CPNE4: variants seen among roughly 807,000 people sequenced by gnomAD.
CPNE4 encodes the protein copine 4, also known as copine-4.
Under a neutral mutation model 67.9 loss-of-function variants are expected in CPNE4, and 25 were observed. The ratio of observed to expected loss-of-function variants is 0.37; its 90% CI spans 0.27 to 0.51. The LOEUF is 0.51. CPNE4 is among the 20% of genes least tolerant of loss of function. The probability of loss-of-function intolerance (pLI) is 0.93; values close to 1 mark genes in which losing one functional copy is unlikely to be tolerated. For synonymous variants in CPNE4, 242 were observed against 244.9 expected, an observed-to-expected ratio of 0.99 and a Z score of 0.11; for missense variants, 464 against 690.8, an observed-to-expected ratio of 0.67 and a Z score of 3.68.
In CPNE4 at chr3:131,699,904, C is replaced by A. The variant is rs2081250461; in HGVS notation, c.432+5G>T. On this transcript the variant is annotated splice_donor_5th_base_variant and intron_variant, in intron 4 of 15. Transcript: ENST00000429747. ...CAGACAGCTGCTTAGGGAGTGCCTG[C>A]TTACCGTGATGGAAGATTTCCCTGC... The A allele has an allele frequency of 1.2e-6, 2 of 1,612,684 alleles. No homozygotes were observed. Among genetic ancestry groups the A allele is most frequent in the Non-Finnish European group, 1.7e-6 (2 of 1,179,180 alleles).
chr3:131,562,671 T>C (rs1407561116), intron 11 of CPNE4, among the ~76,000 whole-genome samples: 1 of 151,968 alleles, frequency 6.6e-6, no homozygotes, highest in Non-Finnish European at 1.5e-5. Flanking sequence ...TGGGGACGTT[T>C]GGAGAAGTTT....
At chr3:131,714,340 G>T (rs570131239) in intron 3 of CPNE4, among the ~76,000 whole-genome samples, 9 of 152,140 alleles carry the variant, frequency 5.9e-5, no homozygotes, top group Admixed American at 5.9e-4. Flanking sequence ...ATGTCAGGAA[G>T]GAAACCAATG....
chr3:131,797,146 T>A (rs1331240802), intron 2 of CPNE4, among the ~76,000 whole-genome samples: 1 of 152,174 alleles, frequency 6.6e-6, no homozygotes, highest in African/African-American at 2.4e-5. Context: ...ATCAAGCACA[T>A]CTTTCTTGGC....
At chr3:131,945,669 C>T (rs572362682) in intron 1 of CPNE4, among the ~76,000 whole-genome samples, 1 of 152,276 alleles carries the variant, frequency 6.6e-6, no homozygotes, top group East Asian at 1.9e-4. Flanking sequence ...TTTCTACCTA[C>T]TCTGTTCTCT....
At chr3:131,571,832 C>G (rs1004554343) in intron 10 of CPNE4, among the ~76,000 whole-genome samples, 4 of 151,972 alleles carry the variant, frequency 2.6e-5, no homozygotes, top group African/African-American at 9.7e-5. Context: ...AATTCAAAGC[C>G]CTTCAAGTTC....
intron 2 of CPNE4, among the ~76,000 whole-genome samples, chr3:131,877,667 AAT>A (rs1374435161): frequency 6.6e-6 from 1 of 152,240 alleles, no homozygotes; most frequent in East Asian, 1.9e-4. Flanking sequence ...TAATGAAAAA[AAT>A]ATGACTATAA....
chr3:131,965,425 G>C (rs1463383767), intron 1 of CPNE4, among the ~76,000 whole-genome samples: 3 of 152,106 alleles, frequency 2.0e-5, no homozygotes, highest in Admixed American at 2.0e-4. Context: ...AAGACACAGA[G>C]TGGAAAATTG....
chr3:131,852,015 A>G (rs766307722), intron 2 of CPNE4, among the ~76,000 whole-genome samples: 6 of 152,020 alleles, frequency 3.9e-5, no homozygotes, highest in Non-Finnish European at 8.8e-5. Context: ...AGCTGTAGGC[A>G]CTCTGACTTA....
At position 131,560,753 on chromosome 3, in the gene CPNE4, C is replaced by T. The variant is rs145316260; in HGVS notation, c.1061+3463G>A. 3.1e-3 allele frequency among the ~76,000 whole-genome samples: 476 copies of T among 152,164 alleles called. 4 individuals carry two copies. The highest frequency in any genetic ancestry group is 0.011 in the African/African-American group (452 of 41,564). On this transcript the variant is annotated intron_variant, in intron 11 of 15. Coordinates refer to ENST00000429747, the MANE Select transcript of CPNE4 (RefSeq NM_130808.3). The stretch of plus-strand genomic sequence containing the variant: ...CTTAGCCATTGCATCTGAGCCATCT[C>T]TCATGATTTAACACTGGGTCTCAAC...
At chr3:132,018,804 T>C (rs1478110767) in intron 1 of CPNE4, among the ~76,000 whole-genome samples, 2 of 152,192 alleles carry the variant, frequency 1.3e-5, no homozygotes, top group Non-Finnish European at 2.9e-5. Context: ...CACATCATTG[T>C]CATGAAATTG....
chr3:131,891,370 G>T (rs1266746233), intron 2 of CPNE4, among the ~76,000 whole-genome samples: 1 of 151,772 alleles, frequency 6.6e-6, no homozygotes, highest in African/African-American at 2.4e-5. Context: ...CTATAATTGG[G>T]ATAGTGGTTG....
intron 6 of CPNE4, among the ~76,000 whole-genome samples, chr3:131,685,642 C>G (rs530995496): frequency 6.6e-6 from 1 of 152,016 alleles, no homozygotes; most frequent in Non-Finnish European, 1.5e-5. Context: ...ATTAGCTCGG[C>G]GTGGTGGTGG....
At chr3:131,723,754 C>A in intron 2 of CPNE4, 129 bp from the exon 3 acceptor site, 1 of 775,934 alleles carries the variant, frequency 1.3e-6, no homozygotes, top group Non-Finnish European at 2.1e-6. Flanking sequence ...ATTGGGTGGG[C>A]AGTCCAAAAG....
intron 2 of CPNE4, among the ~76,000 whole-genome samples, chr3:131,866,963 A>G (rs73203894): frequency 0.076 from 11,616 of 152,234 alleles, 590 homozygotes; most frequent in East Asian, 0.18. Flanking sequence ...ACAGAAGAGA[A>G]TAACAGAGAA....
At chr3:131,826,404 C>T (rs1212418229) in intron 2 of CPNE4, among the ~76,000 whole-genome samples, 1 of 152,020 alleles carries the variant, frequency 6.6e-6, no homozygotes. Context: ...CACTATATTG[C>T]CCAGGCTGCT....
At chr3:131,906,496 C>T (rs1289680629) in intron 1 of CPNE4, among the ~76,000 whole-genome samples, 11 of 148,062 alleles carry the variant, frequency 7.4e-5, no homozygotes, top group South Asian at 4.3e-4. Context: ...AGTGAGAACA[C>T]GCGGTGTTTG....
intron 1 of CPNE4, among the ~76,000 whole-genome samples, chr3:131,944,439 T>G (rs1051616804): frequency 1.3e-5 from 2 of 152,074 alleles, no homozygotes; most frequent in African/African-American, 4.8e-5. Flanking sequence ...AAGGTCTTCC[T>G]GCCCACAGGT....
At chr3:131,553,502 G>T (rs932742149) in intron 12 of CPNE4, among the ~76,000 whole-genome samples, 2 of 152,056 alleles carry the variant, frequency 1.3e-5, no homozygotes, top group African/African-American at 2.4e-5. Context: ...AACAGGAGGT[G>T]ATGTATACAT....
chr3:131,631,275 G>A (rs2079213908), intron 7 of CPNE4, among the ~76,000 whole-genome samples: 1 of 152,086 alleles, frequency 6.6e-6, no homozygotes, highest in African/African-American at 2.4e-5. Flanking sequence ...ATTTTAAAGA[G>A]AAATTTTCTA....
Sources: allele counts gnomAD v4.1 joint callset (sites outside exome capture counted in the v4.1 genomes callset), GRCh38; gene constraint gnomAD v4.1.1; transcripts MANE v1.5; gene names NCBI Gene and HGNC (gene_info 2026-07-23, HGNC 2026-07-21).